Variants in FMN1 observed in about 807,000 individuals in gnomAD.
FMN1 encodes formin 1.
A neutral mutation model predicts 132.4 loss-of-function variants in FMN1; 110 were observed. The ratio of observed to expected loss-of-function variants is 0.83; its 90% CI spans 0.71 to 0.97. FMN1 has a LOEUF of 0.97. Among genes scored for constraint, FMN1 ranks in the 50% least tolerant of loss-of-function variants. The probability of loss-of-function intolerance (pLI) is 0.00; values close to 1 mark genes in which losing one functional copy is unlikely to be tolerated. For synonymous variants in FMN1, 722 were observed against 651.7 expected, an observed-to-expected ratio of 1.11 and a Z score of -1.64; for missense variants, 1,792 against 1,705.3, an observed-to-expected ratio of 1.05 and a Z score of -0.90.
At chr15:32,935,792 T>A (rs149348569) in intron 9 of FMN1, among the ~76,000 whole-genome samples, 77 of 152,040 alleles carry the variant, frequency 5.1e-4, no homozygotes, top group African/African-American at 1.8e-3. Flanking sequence ...CCCACACAGC[T>A]AATTTTTGTT....
chr15:33,011,170 T>C (rs1457993409), intron 6 of FMN1, among the ~76,000 whole-genome samples: 1 of 152,166 alleles, frequency 6.6e-6, no homozygotes, highest in African/African-American at 2.4e-5. Context: ...ATTCTTACAA[T>C]GTAATTAACA....
chr15:33,049,218 A>T (rs1408077612), intron 6 of FMN1, among the ~76,000 whole-genome samples: 3 of 152,018 alleles, frequency 2.0e-5, no homozygotes, highest in Admixed American at 1.3e-4. Context: ...GAAAGGGGGA[A>T]TTTTTTTTAA....
chr15:33,153,679 A>T lies in FMN1; in HGVS notation c.1236T>A (p.Ser412Arg). The change falls in exon 4 of 21, where the codon AGT becomes AGA. Residue 412 changes from serine to arginine, a missense_variant. Physicochemically the swap from Ser to Arg is moderately radical, Grantham distance 110. Around this residue, in one of 3 missense-constraint regions of FMN1, gnomAD observed 638 missense variants for 645.2 expected, o/e 0.99. Coordinates refer to ENST00000616417, the MANE Select transcript of FMN1 (RefSeq NM_001277313.2). The part of the protein sequence containing the change: ...ETASISSVSA[S>R]AEGAVNKVPL... ...GGACCTTGTTCACGGCCCCCTCGGC[A>T]CTGGCCGACACACTAGAAATGGAGG... 2.0e-6 allele frequency: 3 copies of T among 1,536,256 alleles called. No individual in the cohort carries two copies. The highest frequency in any genetic ancestry group is 2.6e-6 in the Non-Finnish European group (3 of 1,146,952).
At chr15:32,979,282 A>G (rs1161126095) in intron 7 of FMN1, among the ~76,000 whole-genome samples, 1 of 152,124 alleles carries the variant, frequency 6.6e-6, no homozygotes, top group African/African-American at 2.4e-5. Context: ...TTCGCCCGGC[A>G]TGGTGGTTCA....
chr15:33,006,793 A>G (rs1017454612), intron 7 of FMN1, among the ~76,000 whole-genome samples: 3 of 152,194 alleles, frequency 2.0e-5, no homozygotes, highest in Admixed American at 6.5e-5. Context: ...CCAAGCACAG[A>G]AAGACATGGC....
intron 3 of FMN1, among the ~76,000 whole-genome samples, chr15:33,158,740 AG>A (rs2140296312): frequency 6.6e-6 from 1 of 152,360 alleles, no homozygotes; most frequent in Non-Finnish European, 1.5e-5. Flanking sequence ...TGTTATAAAA[AG>A]ATTACTTCAG....
chr15:32,838,060 A>G (rs2141196680), intron 17 of FMN1, among the ~76,000 whole-genome samples: 1 of 152,220 alleles, frequency 6.6e-6, no homozygotes, highest in East Asian at 1.9e-4. Flanking sequence ...TGAAGGCAAG[A>G]GGGAAAGGGA....
intron 5 of FMN1, among the ~76,000 whole-genome samples, chr15:33,070,300 C>A (rs1044849308): frequency 2.0e-5 from 3 of 151,616 alleles, no homozygotes; most frequent in African/African-American, 7.3e-5. Flanking sequence ...CCACCGCGCC[C>A]GGCCTAAGAT....
chr15:32,853,910 A>G (rs887943279), intron 17 of FMN1, among the ~76,000 whole-genome samples: 1 of 152,218 alleles, frequency 6.6e-6, no homozygotes, highest in African/African-American at 2.4e-5. Context: ...CGACAATGAG[A>G]AGAGAGTGTA....
intron 6 of FMN1, among the ~76,000 whole-genome samples, chr15:33,037,455 G>A (rs149207789): frequency 2.7e-4 from 41 of 152,308 alleles, no homozygotes; most frequent in African/African-American, 6.3e-4. Context: ...GTGGGGTGGC[G>A]AGAGAAGGCA....
intron 7 of FMN1, among the ~76,000 whole-genome samples, chr15:33,005,573 A>G (rs1015710097): frequency 2.0e-5 from 3 of 152,226 alleles, no homozygotes; most frequent in African/African-American, 7.2e-5. Context: ...AGAATGAGAT[A>G]ATGTGCTTAG....
In FMN1 at chr15:32,783,744, C is replaced by CAAAA. The variant is rs533699379; in HGVS notation, c.4131-6829_4131-6826dup. ...TGGGCGACAGAGCGAGACTCTGTTT[C>CAAAA]AAAAAAAAAAAAAAAAAAAAAAAAA... On this transcript the variant is annotated intron_variant, in intron 19 of 20. Transcript: ENST00000616417. Among the ~76,000 whole-genome samples, 17 of 64,250 alleles carry CAAAA rather than the reference C, an allele frequency of 2.6e-4. 5 individuals are homozygous for CAAAA. The highest frequency in any genetic ancestry group is 9.2e-4 in the African/African-American group (16 of 17,408). The allele number at this position is 64,250 out of a possible 152,430, so 42.2% of individuals were successfully genotyped here. A position where few individuals can be genotyped will look rare whatever the true frequency, so the allele number is the denominator to read the frequency against.
chr15:32,908,448 G>A, intron 12 of FMN1, 42 bp downstream of exon 12: 1 of 1,313,068 alleles, frequency 7.6e-7, no homozygotes, highest in Non-Finnish European at 1.1e-6. Context: ...AGAAATTGCA[G>A]TTCTCCTTTT....
intron 15 of FMN1, among the ~76,000 whole-genome samples, chr15:32,892,648 T>C (rs1411882810): frequency 1.3e-5 from 2 of 152,206 alleles, no homozygotes; most frequent in African/African-American, 4.8e-5. Flanking sequence ...AATTCTCCTT[T>C]GAATGTCTGG....
In FMN1 at chr15:33,051,108, G is replaced by A. The variant is rs147601311; in HGVS notation, c.2161+13849C>T. ...CCCCCTTTAAGAAGGCAGAGGGATCGGGGGATATAGAGTGAAGGATGATTT... is the reference window on the plus strand; with the variant it reads ...CCCCCTTTAAGAAGGCAGAGGGATCAGGGGATATAGAGTGAAGGATGATTT... On this transcript the variant is annotated intron_variant, in intron 6 of 20. Transcript: ENST00000616417. 6.1e-3 allele frequency among the ~76,000 whole-genome samples: 928 copies of A among 152,278 alleles called. 3 individuals are homozygous for A. Among genetic ancestry groups the A allele is most frequent in the Non-Finnish European group, 9.7e-3 (659 of 68,016 alleles).
At chr15:32,798,001 ACT>A (rs768182498) in intron 19 of FMN1, among the ~76,000 whole-genome samples, 2 of 152,048 alleles carry the variant, frequency 1.3e-5, no homozygotes, top group Non-Finnish European at 2.9e-5. Flanking sequence ...GTCTCCTTCC[ACT>A]CTGTTTTGAA....
intron 3 of FMN1, among the ~76,000 whole-genome samples, chr15:33,165,484 G>T (rs190187814): frequency 1.3e-5 from 2 of 152,208 alleles, no homozygotes; most frequent in South Asian, 4.1e-4. Context: ...TCCGCCTCCC[G>T]GGTTCACGCC....
intron 2 of FMN1, among the ~76,000 whole-genome samples, chr15:33,182,174 TG>T (rs1965727989): frequency 6.6e-6 from 1 of 152,190 alleles, no homozygotes; most frequent in Non-Finnish European, 1.5e-5. Context: ...TAATAAAAAG[TG>T]GCTTTTTGTA....
At chr15:32,804,511 TG>T (rs1446744987) in intron 17 of FMN1, among the ~76,000 whole-genome samples, 179 bp from the exon 18 acceptor site, 1 of 118,218 alleles carries the variant, frequency 8.5e-6, no homozygotes, top group Non-Finnish European at 1.9e-5. Context: ...TTGCTACCAC[TG>T]CTTTTTTTTT....
Sources: gnomAD v4.1 joint callset for allele counts (sites outside exome capture counted in the v4.1 genomes callset) on GRCh38, gnomAD v4.1.1 for gene constraint, gnomAD v4.1.1 regional missense constraint, MANE v1.5 for transcripts, NCBI Gene and HGNC (gene_info 2026-07-23, HGNC 2026-07-21) for gene names.